The following CIPC variants were observed in gnomAD, a reference collection of about 807,000 sequenced individuals.
The protein encoded by CIPC is CLOCK interacting pacemaker.
Under a neutral mutation model 26.7 loss-of-function variants are expected in CIPC, and 12 were observed. That is an observed-to-expected ratio of 0.45 (90% CI 0.29 to 0.73). The LOEUF is 0.73. CIPC is among the 30% of genes least tolerant of loss of function. CIPC has a pLI of 0.12. For missense variants in CIPC, 417 were observed against 486.5 expected (o/e 0.86, Z 1.34); for synonymous variants, 170 against 189.8 (o/e 0.90, Z 0.86).
At chr14:77,113,306 C>A in intron 3 of CIPC, 119 bp from the exon 4 acceptor site, 1 of 1,032,620 alleles carries the variant, frequency 9.7e-7, no homozygotes, top group Non-Finnish European at 1.5e-6. Context: ...GTGAGAGAAG[C>A]ACTGTCCTTG....
chr14:77,112,712 T>C (rs1886728344), intron 3 of CIPC, among the ~76,000 whole-genome samples: 2 of 149,332 alleles, frequency 1.3e-5, no homozygotes, highest in Admixed American at 1.3e-4. Context: ...TTTTTTTTTG[T>C]TGTTGTTGTT....
chr14:77,112,338 A>G (rs1886720888), intron 3 of CIPC, among the ~76,000 whole-genome samples: 1 of 152,226 alleles, frequency 6.6e-6, no homozygotes, highest in Non-Finnish European at 1.5e-5. Flanking sequence ...TAATTAAAAA[A>G]TAATGTATAA....
At chr14:77,106,698 T>C (rs180945600) in intron 2 of CIPC, among the ~76,000 whole-genome samples, 25 of 152,338 alleles carry the variant, frequency 1.6e-4, no homozygotes, top group African/African-American at 5.1e-4. Context: ...TATTAACTTA[T>C]AGTGAGAAAT....
intron 3 of CIPC, among the ~76,000 whole-genome samples, chr14:77,112,594 A>G (rs1886725678): frequency 6.6e-6 from 1 of 152,142 alleles, no homozygotes; most frequent in African/African-American, 2.4e-5. Context: ...GCACCAATAC[A>G]TGGTAGCTGT....
chr14:77,113,349 C>A, intron 3 of CIPC, 76 bp from the exon 4 acceptor site: 2 of 1,508,586 alleles, frequency 1.3e-6, no homozygotes, highest in Non-Finnish European at 1.8e-6. Context: ...ATCCACTTGC[C>A]CCTTTGACAG....
intron 1 of CIPC, among the ~76,000 whole-genome samples, chr14:77,105,032 C>T (rs1886564571): frequency 6.6e-6 from 1 of 152,166 alleles, no homozygotes; most frequent in Non-Finnish European, 1.5e-5. Context: ...ATATTATAAG[C>T]TCTTTATTAT....
chr14:77,105,615 A>G lies in CIPC; in HGVS notation c.-52-42A>G, dbSNP rs950728889. On this transcript the variant is annotated intron_variant, in intron 1 of 3. Coordinates refer to ENST00000361786, the MANE Select transcript of CIPC (RefSeq NM_033426.3). ...ATTCACTGTTTGGATCACCTGTTTC[A>G]GCTCTCCAGGCAGTGACTTCTTATA... The G allele has an allele frequency of 8.1e-6, 11 of 1,362,668 alleles. No individual in the cohort carries two copies. In the Admixed American group the frequency reaches 8.6e-5, roughly 11 times the overall value. The allele number at this position is 1,362,668 out of a possible 1,614,324, so 84.4% of individuals were successfully genotyped here.
intron 2 of CIPC, among the ~76,000 whole-genome samples, chr14:77,109,497 A>G (rs931705507): frequency 2.6e-5 from 4 of 152,056 alleles, no homozygotes; most frequent in African/African-American, 9.7e-5. Flanking sequence ...GAAACCTTGA[A>G]CTCATTTCTC....
rs200828779 is a variant in CIPC, at chr14:77,113,935, C to T, written c.817C>T (p.Leu273Phe). 4.2e-5 allele frequency: 68 copies of T among 1,614,118 alleles called. No individual in the cohort carries two copies. Among genetic ancestry groups the T allele is most frequent in the Non-Finnish European group, 5.5e-5 (65 of 1,180,062 alleles). ...TCCTGTCTGCGCATCAGACAGCACTCTCCATGGGTTAGAGAGCAACTCTCC... is the reference window on the plus strand; with the variant it reads ...TCCTGTCTGCGCATCAGACAGCACTTTCCATGGGTTAGAGAGCAACTCTCC... The part of the protein sequence containing the change: ...ASPVCASDST[L>F]HGLESNSPLS... The change falls in exon 4 of 4, where the codon CTC (leucine) becomes TTC (phenylalanine). Residue 273 changes from leucine to phenylalanine, a missense_variant. By Grantham distance (22) the Leu-to-Phe change is conservative. Transcript: ENST00000361786.
At chr14:77,100,830 A>G (rs1886466885) in intron 1 of CIPC, among the ~76,000 whole-genome samples, 1 of 152,086 alleles carries the variant, frequency 6.6e-6, no homozygotes, top group Non-Finnish European at 1.5e-5. Flanking sequence ...CTGCCTCCCA[A>G]AGTGCTGGGA....
chr14:77,107,300 T>G (rs1346127514), intron 2 of CIPC, among the ~76,000 whole-genome samples: 1 of 152,210 alleles, frequency 6.6e-6, no homozygotes, highest in Admixed American at 6.5e-5. Flanking sequence ...AACTTCAACT[T>G]TGTCAGGCCA....
Position 77,110,062 on chromosome 14 carries a change from C to T in CIPC, c.306+81C>T, listed in dbSNP as rs113658306. 2,827 of 1,404,394 alleles carry T rather than the reference C, an allele frequency of 2.0e-3. 20 individuals are homozygous for T. The African/African-American group carries it at 0.021, about 10-fold the overall frequency. The allele number at this position is 1,404,394 out of a possible 1,614,324, so 87.0% of individuals were successfully genotyped here. A position where few individuals can be genotyped will look rare whatever the true frequency, so the allele number is the denominator to read the frequency against. On this transcript the variant is annotated intron_variant, in intron 3 of 3. Transcript: ENST00000361786. Reference sequence around the variant, plus strand: ...GTGTATAAAGGAAGAGATTTATATTCTCTGCCAAGGAGAGATTTTAGAAAC... The same window carrying T: ...GTGTATAAAGGAAGAGATTTATATTTTCTGCCAAGGAGAGATTTTAGAAAC...
Position 77,113,836 on chromosome 14 carries a change from C to T in CIPC, c.718C>T (p.Pro240Ser). ...GCCCTCTCTGGTGGCAGGTGGAAGTCCACAGACTCTTCAGCCGGTATCCAG... is the reference window on the plus strand; with the variant it reads ...GCCCTCTCTGGTGGCAGGTGGAAGTTCACAGACTCTTCAGCCGGTATCCAG... ...GVPSLVAGGS[P>S]QTLQPVSSSH... Residue 240 changes from proline to serine, a missense_variant, in exon 4 of 4, where the codon CCA becomes TCA. Physicochemically the swap from Pro to Ser is moderately conservative, Grantham distance 74. Transcript: ENST00000361786. 1 of 1,614,130 alleles carries T rather than the reference C, an allele frequency of 6.2e-7. No homozygotes were observed. The highest frequency in any genetic ancestry group is 8.5e-7 in the Non-Finnish European group (1 of 1,180,030).
chr14:77,111,093 C>T (rs76406390), intron 3 of CIPC, among the ~76,000 whole-genome samples: 5,575 of 152,284 alleles, frequency 0.037, 145 homozygotes, highest in Middle Eastern at 0.058. Flanking sequence ...GAGATTGCTC[C>T]GGCCCCACCA....
rs752170702 is a variant in CIPC at position 77,113,831 on chromosome 14, G to A, written c.713G>A (p.Gly238Glu). ...GGTGTGCCCTCTCTGGTGGCAGGTG[G>A]AAGTCCACAGACTCTTCAGCCGGTA... ...LQGVPSLVAGGSPQTLQPVSS... is the reference protein window; with the variant it reads ...LQGVPSLVAGESPQTLQPVSS... The change falls in exon 4 of 4, where the codon GGA becomes GAA. Residue 238 changes from glycine (G) to glutamate (E), a missense_variant. Physicochemically the swap from Gly to Glu is moderately conservative, Grantham distance 98. Coordinates refer to ENST00000361786, the MANE Select transcript of CIPC (RefSeq NM_033426.3). 2.5e-6 allele frequency: 4 copies of A among 1,614,116 alleles called. No individual in the cohort carries two copies. The South Asian group carries it at 4.4e-5, about 18-fold the overall frequency.
intron 2 of CIPC, among the ~76,000 whole-genome samples, chr14:77,108,903 A>C (rs901333991): frequency 3.3e-5 from 5 of 152,164 alleles, no homozygotes; most frequent in Non-Finnish European, 7.3e-5. Flanking sequence ...GAGTCCCCTC[A>C]AGATAGCTCT....
At chr14:77,112,193 T>G (rs1429908290) in intron 3 of CIPC, among the ~76,000 whole-genome samples, 1 of 152,220 alleles carries the variant, frequency 6.6e-6, no homozygotes, top group East Asian at 1.9e-4. Context: ...GATGTGAAAC[T>G]CTGTCAGGCT....
chr14:77,108,319 C>A (rs1886631036), intron 2 of CIPC, among the ~76,000 whole-genome samples: 1 of 152,118 alleles, frequency 6.6e-6, no homozygotes, highest in Non-Finnish European at 1.5e-5. Flanking sequence ...GTGTGACTAT[C>A]CTATTCCCCA....
chr14:77,105,858 T>C lies in CIPC; in HGVS notation c.136+14T>C. On this transcript the variant is annotated intron_variant, in intron 2 of 3. Coordinates refer to ENST00000361786, the MANE Select transcript of CIPC (RefSeq NM_033426.3). ...CTGGCTTTTCAGGTTAAAAATATCT[T>C]ATCCTTCCTCTGTTTTGTGAGTGAA... is the stretch of plus-strand genomic sequence containing the variant. 2 of 1,612,766 alleles carry C rather than the reference T, an allele frequency of 1.2e-6. No homozygotes were observed. The highest frequency in any genetic ancestry group is 1.7e-6 in the Non-Finnish European group (2 of 1,179,478).
Sources: allele counts gnomAD v4.1 joint callset (sites outside exome capture counted in the v4.1 genomes callset), GRCh38; gene constraint gnomAD v4.1.1; transcripts MANE v1.5; gene names NCBI Gene and HGNC (gene_info 2026-07-23, HGNC 2026-07-21).